The following ELMO1 variants were observed in gnomAD, a reference collection of about 807,000 sequenced individuals.
ELMO1 encodes the protein engulfment and cell motility 1, also known as engulfment and cell motility protein 1.
In ELMO1, 26 loss-of-function variants were observed where a neutral mutation model predicts 98.9. That is an observed-to-expected ratio of 0.26 (90% CI 0.19 to 0.36). ELMO1 has a LOEUF of 0.36. ELMO1 is among the 10% of genes least tolerant of loss of function. The pLI is 1.00. For missense variants in ELMO1, 627 were observed against 935.2 expected (o/e 0.67, Z 4.30); for synonymous variants, 346 against 346.0 (o/e 1.00, Z 0.00).
intron 13 of ELMO1, among the ~76,000 whole-genome samples, chr7:37,135,408 G>C (rs191061013): frequency 6.6e-6 from 1 of 152,166 alleles, no homozygotes; most frequent in Admixed American, 6.5e-5. Flanking sequence ...GATCACCACC[G>C]CAGGCTCCCT....
At chr7:37,226,894 A>G (rs1563089131) in intron 8 of ELMO1, among the ~76,000 whole-genome samples, 1 of 152,202 alleles carries the variant, frequency 6.6e-6, no homozygotes, top group African/African-American at 2.4e-5. Context: ...AAATACAAAG[A>G]TGAAAATAAC....
chr7:37,227,891 C>T (rs1354215635), intron 8 of ELMO1, among the ~76,000 whole-genome samples: 1 of 152,188 alleles, frequency 6.6e-6, no homozygotes, highest in East Asian at 1.9e-4. Context: ...AAATGAATCC[C>T]TTACTTTCAT....
chr7:37,414,170 C>G (rs1446721675), intron 1 of ELMO1, among the ~76,000 whole-genome samples: 1 of 131,572 alleles, frequency 7.6e-6, no homozygotes, highest in Non-Finnish European at 1.8e-5. Context: ...TCATTCCATT[C>G]ATTTTCCACT....
chr7:37,083,413 C>G (rs1562989399), intron 15 of ELMO1, among the ~76,000 whole-genome samples: 1 of 151,988 alleles, frequency 6.6e-6, no homozygotes, highest in Non-Finnish European at 1.5e-5. Context: ...TTATACAAGA[C>G]AGAAGAGCAA....
intron 14 of ELMO1, among the ~76,000 whole-genome samples, chr7:37,110,364 T>C (rs1785182707): frequency 6.6e-6 from 1 of 152,198 alleles, no homozygotes; most frequent in Non-Finnish European, 1.5e-5. Context: ...CCCCTACCTC[T>C]GCCCAGAGGT....
At chr7:36,906,958 C>G (rs1584348388) in intron 16 of ELMO1, among the ~76,000 whole-genome samples, 1 of 152,166 alleles carries the variant, frequency 6.6e-6, no homozygotes, top group Non-Finnish European at 1.5e-5. Flanking sequence ...AACAATATAT[C>G]TCAGAGTGCA....
chr7:36,889,151 C>T (rs984100234), intron 17 of ELMO1, among the ~76,000 whole-genome samples: 2 of 152,156 alleles, frequency 1.3e-5, no homozygotes, highest in African/African-American at 4.8e-5. Flanking sequence ...TATTCTAGTA[C>T]TCCATTAATA....
chr7:37,008,905 T>TCCCCCGCCA (rs1562893466), intron 16 of ELMO1, among the ~76,000 whole-genome samples: 1 of 152,112 alleles, frequency 6.6e-6, no homozygotes, highest in East Asian at 1.9e-4. Flanking sequence ...ATTCATAGCT[T>TCCCCCGCCA]CCCCCGCCAC....
At chr7:37,065,646 T>C (rs1796916342) in intron 15 of ELMO1, among the ~76,000 whole-genome samples, 1 of 152,164 alleles carries the variant, frequency 6.6e-6, no homozygotes, top group African/African-American at 2.4e-5. Flanking sequence ...CTCATAACTT[T>C]AGTACCAACC....
intron 1 of ELMO1, among the ~76,000 whole-genome samples, chr7:37,405,888 G>GTTGGCC (rs1803737018): frequency 3.3e-5 from 5 of 152,190 alleles, no homozygotes; most frequent in African/African-American, 1.2e-4. Flanking sequence ...GGCCTCAAGA[G>GTTGGCC]AGCTGACCAC....
intron 16 of ELMO1, among the ~76,000 whole-genome samples, chr7:36,982,348 A>G (rs1434538083): frequency 6.6e-6 from 1 of 152,244 alleles, no homozygotes; most frequent in Non-Finnish European, 1.5e-5. Flanking sequence ...AGTTTTGTAG[A>G]TACATGTTGA....
intron 1 of ELMO1, among the ~76,000 whole-genome samples, chr7:37,405,106 C>G (rs1438846194): frequency 6.6e-6 from 1 of 152,010 alleles, no homozygotes; most frequent in Admixed American, 6.6e-5. Context: ...CTGAAATGGT[C>G]GTGTGAGAAA....
chr7:36,890,485 G>T (rs1805458208), intron 17 of ELMO1, among the ~76,000 whole-genome samples: 5 of 152,154 alleles, frequency 3.3e-5, no homozygotes. Context: ...CCGAACTTCT[G>T]ATCCCCTGCT....
Position 37,015,430 on chromosome 7 carries a change from GTC to G in ELMO1, c.1301-1997_1301-1996del, listed in dbSNP as rs548563682. 1.8e-3 allele frequency among the ~76,000 whole-genome samples: 279 copies of G among 152,144 alleles called. 2 individuals carry two copies. The highest frequency in any genetic ancestry group is 5.2e-3 in the African/African-American group (214 of 41,476). Reference sequence around the variant, plus strand: ...AGCCTGGCCAACATGCTGAAATCCTGTCTCTACTAAAAACACAAAAATTAGCT... The same window carrying G: ...AGCCTGGCCAACATGCTGAAATCCTGTCTACTAAAAACACAAAAATTAGCT... On this transcript the variant is annotated intron_variant, in intron 15 of 21. Coordinates refer to ENST00000310758, the MANE Select transcript of ELMO1 (RefSeq NM_014800.11).
chr7:36,914,390 C>T (rs1033489967), intron 16 of ELMO1, among the ~76,000 whole-genome samples: 1 of 152,184 alleles, frequency 6.6e-6, no homozygotes, highest in Non-Finnish European at 1.5e-5. Flanking sequence ...AGGCTTTTCG[C>T]ATCTTAATTT....
intron 13 of ELMO1, among the ~76,000 whole-genome samples, chr7:37,186,323 C>T (rs1791201832): frequency 6.6e-6 from 1 of 151,842 alleles, no homozygotes; most frequent in African/African-American, 2.4e-5. Context: ...GATCAAAGAA[C>T]TAAATATAAG....
chr7:36,890,834 G>A (rs1469446648), intron 17 of ELMO1, among the ~76,000 whole-genome samples: 2 of 152,180 alleles, frequency 1.3e-5, no homozygotes, highest in African/African-American at 4.8e-5. Flanking sequence ...ACAAGGCCTT[G>A]TGTAATGGGG....
intron 15 of ELMO1, among the ~76,000 whole-genome samples, chr7:37,074,092 A>G (rs1281669666): frequency 6.7e-6 from 1 of 148,302 alleles, no homozygotes; most frequent in Non-Finnish European, 1.5e-5. Flanking sequence ...ATAAATATAT[A>G]GTATGCAAAA....
chr7:36,903,165 A>G (rs1006544637), intron 16 of ELMO1, among the ~76,000 whole-genome samples: 2 of 152,170 alleles, frequency 1.3e-5, no homozygotes, highest in African/African-American at 2.4e-5. Flanking sequence ...GGATTCTCTC[A>G]GTGCTTGAAC....
Sources: allele counts gnomAD v4.1 joint callset (sites outside exome capture counted in the v4.1 genomes callset), GRCh38; gene constraint gnomAD v4.1.1; transcripts MANE v1.5; gene names NCBI Gene and HGNC (gene_info 2026-07-23, HGNC 2026-07-21).